The following C8orf34 variants were observed in gnomAD, a reference collection of about 807,000 sequenced individuals.
The protein encoded by C8orf34 is uncharacterized protein C8orf34.
In C8orf34, 65 loss-of-function variants were observed where a neutral mutation model predicts 68.3. The observed-to-expected ratio is 0.95, with a 90% CI of 0.78 to 1.17. C8orf34 has a LOEUF of 1.17. Among genes scored for constraint, C8orf34 ranks in the 50% most tolerant of loss-of-function variants. C8orf34 has a pLI of 0.00. For missense variants in C8orf34, 664 were observed against 655.4 expected (o/e 1.01, Z -0.14); for synonymous variants, 244 against 241.2 (o/e 1.01, Z -0.11).
chr8:68,377,327 C>T (rs1166832070), intron 1 of C8orf34, among the ~76,000 whole-genome samples: 2 of 151,890 alleles, frequency 1.3e-5, no homozygotes, highest in Non-Finnish European at 2.9e-5. Flanking sequence ...GAGCCCAGGA[C>T]GTTGAGGCTG....
intron 4 of C8orf34, among the ~76,000 whole-genome samples, chr8:68,475,662 G>T (rs1027857013): frequency 1.3e-5 from 2 of 151,960 alleles, no homozygotes; most frequent in African/African-American, 4.8e-5. Context: ...AAGTAAGCAC[G>T]TAAACAAATA....
chr8:68,729,284 G>A (rs1465838086), intron 10 of C8orf34, among the ~76,000 whole-genome samples: 1 of 152,160 alleles, frequency 6.6e-6, no homozygotes, highest in African/African-American at 2.4e-5. Context: ...ATGTTAATTA[G>A]CAGAGTGGAA....
intron 1 of C8orf34, among the ~76,000 whole-genome samples, chr8:68,345,328 T>C (rs1158184399): frequency 1.3e-5 from 2 of 151,930 alleles, no homozygotes; most frequent in African/African-American, 4.8e-5. Context: ...GTTACAGAGA[T>C]TTAAAAATAT....
At chr8:68,471,870 C>T (rs913911030) in intron 4 of C8orf34, among the ~76,000 whole-genome samples, 2 of 151,596 alleles carry the variant, frequency 1.3e-5, no homozygotes, top group Non-Finnish European at 2.9e-5. Context: ...ATTTATATCT[C>T]TCAAAATGAT....
chr8:68,679,291 C>G (rs1354141966), intron 8 of C8orf34, among the ~76,000 whole-genome samples: 1 of 150,458 alleles, frequency 6.6e-6, no homozygotes, highest in Non-Finnish European at 1.5e-5. Context: ...TGTCTAAAAA[C>G]AAAACAAAAC....
chr8:68,661,376 C>T (rs1345010198), intron 8 of C8orf34, among the ~76,000 whole-genome samples: 3 of 152,218 alleles, frequency 2.0e-5, no homozygotes, highest in Non-Finnish European at 4.4e-5. Flanking sequence ...CTTAGGTCCC[C>T]ATATGGGCCA....
At chr8:68,436,455 A>G (rs1008705818) in intron 1 of C8orf34, among the ~76,000 whole-genome samples, 4 of 152,114 alleles carry the variant, frequency 2.6e-5, no homozygotes, top group East Asian at 3.9e-4. Context: ...CATTTTATCA[A>G]TCCCTGAGTA....
chr8:68,427,300 A>G (rs2676633), intron 1 of C8orf34, among the ~76,000 whole-genome samples: 31,246 of 152,064 alleles, frequency 0.21, 4,309 homozygotes, highest in African/African-American at 0.39. Context: ...GGTCCTTTAA[A>G]GGTTATTAAT....
At chr8:68,332,211 C>T (rs1004590997) in intron 1 of C8orf34, among the ~76,000 whole-genome samples, 1 of 151,808 alleles carries the variant, frequency 6.6e-6, no homozygotes, top group Non-Finnish European at 1.5e-5. Context: ...AAGCGTCCCG[C>T]GGGTTGCCAG....
intron 5 of C8orf34, among the ~76,000 whole-genome samples, chr8:68,494,376 G>A (rs1011734787): frequency 4.6e-5 from 7 of 152,162 alleles, no homozygotes; most frequent in African/African-American, 1.4e-4. Flanking sequence ...AGGGGAAGGG[G>A]AAATGGGAAG....
At chr8:68,336,694 C>T (rs970825273) in intron 1 of C8orf34, among the ~76,000 whole-genome samples, 5 of 152,166 alleles carry the variant, frequency 3.3e-5, no homozygotes, top group Admixed American at 6.5e-5. Flanking sequence ...AATGAGCACA[C>T]CTAGCATCCA....
intron 1 of C8orf34, among the ~76,000 whole-genome samples, chr8:68,376,227 A>G (rs1171108907): frequency 6.6e-6 from 1 of 151,420 alleles, no homozygotes; most frequent in Non-Finnish European, 1.5e-5. Flanking sequence ...TTGATAAATA[A>G]TGTTGATTGT....
chr8:68,669,125 A>G (rs148916353), intron 8 of C8orf34, among the ~76,000 whole-genome samples: 64 of 152,288 alleles, frequency 4.2e-4, no homozygotes, highest in Admixed American at 2.2e-3. Context: ...CGAATAACTC[A>G]CCTTAAATAT....
chr8:68,814,804 C>A (rs1010677940), intron 12 of C8orf34, among the ~76,000 whole-genome samples: 1 of 152,054 alleles, frequency 6.6e-6, no homozygotes, highest in African/African-American at 2.4e-5. Flanking sequence ...CCATTTCATT[C>A]GAGTTGAAGT....
In C8orf34 at chr8:68,356,467, C is replaced by G. The variant is rs1050454291; in HGVS notation, c.327+25128C>G. On this transcript the variant is annotated intron_variant, in intron 1 of 13. Coordinates refer to ENST00000518698, the MANE Select transcript of C8orf34 (RefSeq NM_052958.4). ...TTATATCCTGACAATTTCACAAAAG[C>G]CTGCCTTGATTTTCTGTTTATATGC... Among the ~76,000 whole-genome samples, 9 of 152,122 alleles carry G rather than the reference C, an allele frequency of 5.9e-5. No individual in the cohort carries two copies. The East Asian group carries it at 1.2e-3, about 20-fold the overall frequency.
At chr8:68,702,076 A>G (rs1006447270) in intron 8 of C8orf34, among the ~76,000 whole-genome samples, 1 of 152,064 alleles carries the variant, frequency 6.6e-6, no homozygotes, top group South Asian at 2.1e-4. Flanking sequence ...TTTCTTATCA[A>G]CATCTGATTC....
At chr8:68,575,867 TTTGA>T (rs1816885901) in intron 7 of C8orf34, among the ~76,000 whole-genome samples, 1 of 151,854 alleles carries the variant, frequency 6.6e-6, no homozygotes, top group South Asian at 2.1e-4. Flanking sequence ...CTGTTTAAAC[TTTGA>T]TTGATTTCCT....
intron 1 of C8orf34, among the ~76,000 whole-genome samples, chr8:68,398,119 A>G (rs1409803396): frequency 6.6e-6 from 1 of 151,942 alleles, no homozygotes; most frequent in African/African-American, 2.4e-5. Flanking sequence ...TTTTCCTTTC[A>G]TTCATGACAT....
At chr8:68,455,674 A>G (rs1811514728) in intron 3 of C8orf34, among the ~76,000 whole-genome samples, 1 of 152,136 alleles carries the variant, frequency 6.6e-6, no homozygotes, top group Non-Finnish European at 1.5e-5. Flanking sequence ...CATGTAGATC[A>G]AGTAAAAAAA....
Sources: allele counts gnomAD v4.1 joint callset (sites outside exome capture counted in the v4.1 genomes callset), GRCh38; gene constraint gnomAD v4.1.1; transcripts MANE v1.5; gene names NCBI Gene and HGNC (gene_info 2026-07-23, HGNC 2026-07-21).